The following ALK variants were observed in gnomAD, a reference collection of about 807,000 sequenced individuals.
The protein encoded by ALK is ALK tyrosine kinase receptor.
In ALK, 74 loss-of-function variants were observed where a neutral mutation model predicts 163.1. The observed-to-expected ratio is 0.45, with a 90% CI of 0.38 to 0.55. ALK has a LOEUF of 0.55. Ranked by LOEUF, ALK falls within the 20% of genes least tolerant of loss-of-function variation. The pLI is 0.00. For synonymous variants in ALK, 960 were observed against 843.2 expected, an observed-to-expected ratio of 1.14 and a Z score of -2.40; for missense variants, 2,063 against 2,105.3, an observed-to-expected ratio of 0.98 and a Z score of 0.39.
At chr2:29,281,356 G>C (rs1027511995) in intron 9 of ALK, among the ~76,000 whole-genome samples, 1 of 152,134 alleles carries the variant, frequency 6.6e-6, no homozygotes, top group Non-Finnish European at 1.5e-5. Flanking sequence ...GGGCAGCCTG[G>C]TCAAGGAGAA....
intron 3 of ALK, among the ~76,000 whole-genome samples, chr2:29,676,789 T>A (rs1558437472): frequency 6.6e-6 from 1 of 152,058 alleles, no homozygotes; most frequent in Admixed American, 6.6e-5. Flanking sequence ...TCTCTTTTTT[T>A]AATTTATATT....
At chr2:29,265,542 C>A (rs550179187) in intron 11 of ALK, among the ~76,000 whole-genome samples, 2 of 152,290 alleles carry the variant, frequency 1.3e-5, no homozygotes, top group African/African-American at 4.8e-5. Flanking sequence ...GCTGGACAAC[C>A]ACACACTAAG....
In ALK at chr2:29,823,540, A is replaced by G. The variant is rs574892771; in HGVS notation, c.667+96453T>C. Among the ~76,000 whole-genome samples the G allele has an allele frequency of 6.3e-4, 96 of 152,314 alleles. 1 individual carries two copies. Among genetic ancestry groups the G allele is most frequent in the African/African-American group, 2.2e-3 (91 of 41,568 alleles). On this transcript the variant is annotated intron_variant, in intron 1 of 28. Coordinates refer to ENST00000389048, the MANE Select transcript of ALK (RefSeq NM_004304.5). ...TATGGACAATGAAATCCAGCTGAGGAGGGTCTCAGATGGAGATGAGGAACT... is the reference window on the plus strand; with the variant it reads ...TATGGACAATGAAATCCAGCTGAGGGGGGTCTCAGATGGAGATGAGGAACT...
rs1327492960 is a variant in ALK, at chr2:29,193,162, T to TGATC, written c.*61_*62insGATC. 2 of 1,555,490 alleles carry TGATC rather than the reference T, an allele frequency of 1.3e-6. No homozygotes were observed. The highest frequency in any genetic ancestry group is 1.8e-6 in the Non-Finnish European group (2 of 1,131,872). ...GGTCTCTGGTTTGTGAAGGAGCCAT[T>TGATC]GCCTCTCTCTCCTCCACGGTCTTAG... is the stretch of plus-strand genomic sequence containing the variant. On this transcript the variant is annotated 3_prime_UTR_variant, in exon 29 of 29. Transcript: ENST00000389048.
intron 1 of ALK, among the ~76,000 whole-genome samples, chr2:29,855,730 G>T (rs1666122089): frequency 6.6e-6 from 1 of 152,196 alleles, no homozygotes; most frequent in Admixed American, 6.5e-5. Context: ...GACAGACGGA[G>T]ACCTTGCCCA....
chr2:29,649,588 G>C (rs927544040), intron 3 of ALK, among the ~76,000 whole-genome samples: 1 of 152,092 alleles, frequency 6.6e-6, no homozygotes, highest in African/African-American at 2.4e-5. Context: ...GTCTCCTTGA[G>C]GAATAACCCC....
At chr2:29,490,698 A>C (rs1380400839) in intron 4 of ALK, among the ~76,000 whole-genome samples, 1 of 152,214 alleles carries the variant, frequency 6.6e-6, no homozygotes, top group Non-Finnish European at 1.5e-5. Flanking sequence ...GATTCCCCAG[A>C]GTAATGTTTT....
chr2:29,233,508 G>A, intron 14 of ALK, 57 bp downstream of exon 14: 1 of 1,612,062 alleles, frequency 6.2e-7, no homozygotes, highest in Non-Finnish European at 8.5e-7. Flanking sequence ...CTGTCATGAG[G>A]CTCTGACATT....
intron 1 of ALK, among the ~76,000 whole-genome samples, chr2:29,720,753 T>C (rs932786474): frequency 6.6e-6 from 1 of 152,180 alleles, no homozygotes; most frequent in African/African-American, 2.4e-5. Context: ...CTCTTTACCC[T>C]TGCCCTACCC....
intron 1 of ALK, among the ~76,000 whole-genome samples, chr2:29,735,139 G>T (rs1306464956): frequency 6.6e-6 from 1 of 151,032 alleles, no homozygotes. Flanking sequence ...TGTCATCTAG[G>T]GGTTGCAGGG....
chr2:29,717,694 T>A lies in ALK; in HGVS notation c.671A>T (p.His224Leu). The part of the protein sequence containing the change: ...RLLFQIFGTG[H>L]SSLESPTNMP... ...GTTTGTTGGTGATTCCAAGGAGCTA[T>A]GACCTGGACATAAAAATAAAGAAAA... The change falls in exon 2 of 29, where the codon CAT becomes CTT. Residue 224 changes from histidine to leucine, a missense_variant. By Grantham distance (99) the His-to-Leu change is moderately conservative. Transcript: ENST00000389048. The A allele has an allele frequency of 6.2e-7, 1 of 1,614,142 alleles. No homozygotes were observed. The highest frequency in any genetic ancestry group is 1.1e-5 in the South Asian group (1 of 91,080).
rs1456617295 is a variant in ALK at position 29,193,211 on chromosome 2, TGTGCGACCGAGCTCAG to T, written c.4860_*12del. Reference sequence around the variant, plus strand: ...AGGGATCCCAAGGAAGAGAAGTGAGTGTGCGACCGAGCTCAGGGCCCAGGCTGGTTCATGCTATTCT... The same window carrying T: ...AGGGATCCCAAGGAAGAGAAGTGAGTGGCCCAGGCTGGTTCATGCTATTCT... On this transcript the variant is annotated stop_lost and 3_prime_UTR_variant, in exon 29 of 29. Coordinates refer to ENST00000389048, the MANE Select transcript of ALK (RefSeq NM_004304.5). 11 of 1,613,016 alleles carry T rather than the reference TGTGCGACCGAGCTCAG, an allele frequency of 6.8e-6. No homozygotes were observed. The highest frequency in any genetic ancestry group is 9.3e-6 in the Non-Finnish European group (11 of 1,179,500).
chr2:29,547,953 T>C (rs1673600662), intron 3 of ALK, among the ~76,000 whole-genome samples: 1 of 152,230 alleles, frequency 6.6e-6, no homozygotes, highest in Admixed American at 6.5e-5. Flanking sequence ...GCATGAGACA[T>C]GCTTATGCTA....
In ALK at chr2:29,297,000, C is replaced by T. The variant is rs754971913; in HGVS notation, c.1705G>A (p.Val569Met). 1.9e-6 allele frequency: 3 copies of T among 1,614,224 alleles called. No homozygotes were observed. The highest frequency in any genetic ancestry group is 1.6e-4 in the Middle Eastern group (1 of 6,062). ...VLRGNVSLVL[V>M]ENKTGKEQGR... is the part of the protein sequence containing the mutation. Reference sequence around the variant, plus strand: ...TGCTCCTTCCCGGTTTTGTTCTCCACTAGCACCAAGGACACGTTTCCCCTC... The same window carrying T: ...TGCTCCTTCCCGGTTTTGTTCTCCATTAGCACCAAGGACACGTTTCCCCTC... Residue 569 changes from valine (V) to methionine (M), a missense_variant, in exon 9 of 29, where the codon GTG becomes ATG. By Grantham distance (21) the Val-to-Met change is conservative. This residue lies in a region of ALK where 987 missense variants were observed against 939.5 expected (regional missense o/e 1.05). Transcript: ENST00000389048.
In ALK at chr2:29,320,769, G is replaced by C. The variant is rs201449759; in HGVS notation, c.1528C>G (p.Arg510Gly). 1.2e-6 allele frequency: 2 copies of C among 1,613,826 alleles called. No individual in the cohort carries two copies. Among genetic ancestry groups the C allele is most frequent in the Non-Finnish European group, 1.7e-6 (2 of 1,179,994 alleles). ...QWQVRTLKDA[R>G]FQDHQDHALL... ...GTAGTACCTTGGTGGTCCTGGAACC[G>C]GGCATCCTTTAGGGTCCTGACCTGC... Residue 510 changes from arginine (R) to glycine (G), a missense_variant, in exon 7 of 29, where the codon CGG becomes GGG. Arg to Gly is a moderately radical substitution (Grantham distance 125, BLOSUM62 -2). This residue lies in a region of ALK where 987 missense variants were observed against 939.5 expected (regional missense o/e 1.05). Transcript: ENST00000389048.
intron 4 of ALK, among the ~76,000 whole-genome samples, chr2:29,515,455 A>T (rs1672635758): frequency 6.6e-6 from 1 of 152,118 alleles, no homozygotes; most frequent in Non-Finnish European, 1.5e-5. Context: ...TGAAATAAGT[A>T]TTTAATGACT....
chr2:29,253,461 G>A (rs998827512), intron 11 of ALK, among the ~76,000 whole-genome samples: 3 of 152,064 alleles, frequency 2.0e-5, no homozygotes, highest in Non-Finnish European at 2.9e-5. Flanking sequence ...AGGAAATTTC[G>A]CTGCTAAGTC....
At chr2:29,586,989 A>G (rs925018421) in intron 3 of ALK, among the ~76,000 whole-genome samples, 1 of 152,154 alleles carries the variant, frequency 6.6e-6, no homozygotes, top group African/African-American at 2.4e-5. Flanking sequence ...TAGTAGGATG[A>G]GGTGGGTGTA....
chr2:29,595,556 A>G lies in ALK; in HGVS notation c.953-63440T>C, dbSNP rs908575952. ...AGGATGGTCTCGATTTCCTGACCTCATGATCCGCCCGCCTCGGCCTCCCAA... is the reference window on the plus strand; with the variant it reads ...AGGATGGTCTCGATTTCCTGACCTCGTGATCCGCCCGCCTCGGCCTCCCAA... On this transcript the variant is annotated intron_variant, in intron 3 of 28. Coordinates refer to ENST00000389048, the MANE Select transcript of ALK (RefSeq NM_004304.5). Among the ~76,000 whole-genome samples the G allele has an allele frequency of 7.2e-5, 11 of 151,986 alleles. No homozygotes were observed. The South Asian group carries it at 2.1e-3, about 29-fold the overall frequency.
Sources: allele counts gnomAD v4.1 joint callset (sites outside exome capture counted in the v4.1 genomes callset), GRCh38; gene constraint gnomAD v4.1.1; regional missense constraint gnomAD v4.1.1; transcripts MANE v1.5; gene names NCBI Gene and HGNC (gene_info 2026-07-23, HGNC 2026-07-21).